Variants in RAB38 observed in about 807,000 individuals in gnomAD.
RAB38 encodes RAB38, member RAS oncogene family.
Under a neutral mutation model 18.4 loss-of-function variants are expected in RAB38, and 15 were observed. The observed-to-expected ratio is 0.82, with a 90% CI of 0.55 to 1.26. RAB38 has a LOEUF of 1.26. RAB38 is among the 50% of genes most tolerant of loss of function. RAB38 has a pLI of 0.00. For synonymous variants in RAB38, 101 were observed against 104.4 expected, an observed-to-expected ratio of 0.97 and a Z score of 0.20; for missense variants, 294 against 267.4, an observed-to-expected ratio of 1.10 and a Z score of -0.69.
intron 2 of RAB38, chr11:88,115,433 G>C (rs780301671): frequency 6.6e-6 from 1 of 152,190 alleles, no homozygotes; most frequent in African/African-American, 2.4e-5. Context: ...CTTCCAAATG[G>C]CATCCATGAC....
the RAB38 span, among the ~76,000 whole-genome samples, chr11:88,100,925 A>G: frequency 1.3e-5 from 2 of 151,962 alleles, no homozygotes; most frequent in Non-Finnish European, 2.9e-5. Flanking sequence ...CTTCTCCCCA[A>G]CTGCTAGGGA....
intron 1 of RAB38, among the ~76,000 whole-genome samples, chr11:88,160,624 T>A (rs1346132101): frequency 6.6e-6 from 1 of 152,142 alleles, no homozygotes; most frequent in African/African-American, 2.4e-5. Context: ...ACATAGTACA[T>A]ATTCATCATG....
At chr11:88,172,345 A>T (rs1273378959) in intron 1 of RAB38, among the ~76,000 whole-genome samples, 1 of 152,202 alleles carries the variant, frequency 6.6e-6, no homozygotes, top group Non-Finnish European at 1.5e-5. Context: ...TACTTTTTGG[A>T]GTCTTTCAAG....
At chr11:87,942,142 G>A in the RAB38 span, among the ~76,000 whole-genome samples, 1 of 152,208 alleles carries the variant, frequency 6.6e-6, no homozygotes, top group Admixed American at 6.5e-5. Flanking sequence ...ACCATGAGCT[G>A]TGCCTGATGC....
the RAB38 span, among the ~76,000 whole-genome samples, chr11:88,076,152 C>CA: frequency 1.3e-5 from 2 of 151,448 alleles, no homozygotes; most frequent in Non-Finnish European, 2.9e-5. Flanking sequence ...AATCTGACCA[C>CA]AAAAATAGAA....
At chr11:88,133,064 C>G (rs1447177500) in intron 2 of RAB38, among the ~76,000 whole-genome samples, 1 of 151,964 alleles carries the variant, frequency 6.6e-6, no homozygotes, top group Non-Finnish European at 1.5e-5. Flanking sequence ...AGGTTAGAGT[C>G]CCATTATCCC....
At chr11:88,066,958 T>G in the RAB38 span, among the ~76,000 whole-genome samples, 1 of 152,216 alleles carries the variant, frequency 6.6e-6, no homozygotes, top group South Asian at 2.1e-4. Context: ...AGTGATGTCT[T>G]TCATTATAAA....
the RAB38 span, among the ~76,000 whole-genome samples, chr11:87,972,783 A>T: frequency 1.3e-5 from 2 of 152,094 alleles, no homozygotes; most frequent in Non-Finnish European, 2.9e-5. Flanking sequence ...TCAAAAGGAA[A>T]TACCAACGTA....
At position 88,127,507 on chromosome 11, in the gene RAB38, G is replaced by A. The variant is rs140199731; in HGVS notation, c.484-13367C>T. Among the ~76,000 whole-genome samples the A allele has an allele frequency of 8.2e-4, 125 of 152,232 alleles. 1 individual carries two copies. The East Asian group carries it at 0.022, about 27-fold the overall frequency. Reference sequence around the variant, plus strand: ...AAATAGTGGTGGTATAAGTGGGAGTGGTTAAGAGTAGAGGGGTTTGTGGAA... The same window carrying A: ...AAATAGTGGTGGTATAAGTGGGAGTAGTTAAGAGTAGAGGGGTTTGTGGAA... On this transcript the variant is annotated intron_variant, in intron 2 of 2. Transcript: ENST00000243662.
At chr11:88,055,644 A>G in the RAB38 span, among the ~76,000 whole-genome samples, 1 of 152,226 alleles carries the variant, frequency 6.6e-6, no homozygotes, top group East Asian at 1.9e-4. Context: ...GCTTGAATAC[A>G]TGGACTATTT....
the RAB38 span, among the ~76,000 whole-genome samples, chr11:88,026,197 A>C: frequency 2.6e-5 from 4 of 152,016 alleles, no homozygotes; most frequent in African/African-American, 9.7e-5. Flanking sequence ...ACTCCTGACA[A>C]AATTAAAGAT....
chr11:88,042,420 T>C, the RAB38 span, among the ~76,000 whole-genome samples: 1 of 152,208 alleles, frequency 6.6e-6, no homozygotes, highest in East Asian at 1.9e-4. Flanking sequence ...TCTTTTCCTG[T>C]ACTCATTATT....
chr11:88,045,670 G>T, the RAB38 span, among the ~76,000 whole-genome samples: 142 of 152,312 alleles, frequency 9.3e-4, 1 homozygote, highest in African/African-American at 3.3e-3. Flanking sequence ...GATCGACGCT[G>T]CCTGATTGCC....
At chr11:87,977,715 T>C in the RAB38 span, among the ~76,000 whole-genome samples, 1 of 96,452 alleles carries the variant, frequency 1.0e-5, no homozygotes, top group Non-Finnish European at 1.8e-5. Context: ...ATTATATATT[T>C]ATATATTATA....
the RAB38 span, among the ~76,000 whole-genome samples, chr11:87,813,494 A>G: frequency 1.9e-5 from 2 of 105,994 alleles, no homozygotes; most frequent in African/African-American, 7.9e-5. Context: ...TATACATCAT[A>G]CACATCACAC....
chr11:87,972,208 C>T, the RAB38 span, among the ~76,000 whole-genome samples: 3 of 152,030 alleles, frequency 2.0e-5, no homozygotes, highest in Admixed American at 6.6e-5. Context: ...CACTTCAGGA[C>T]GCCTTCCTTA....
the RAB38 span, among the ~76,000 whole-genome samples, chr11:88,032,435 G>C: frequency 6.6e-6 from 1 of 152,134 alleles, no homozygotes; most frequent in African/African-American, 2.4e-5. Flanking sequence ...CCATCAGAGT[G>C]AACAGGCAAC....
At chr11:88,078,208 G>A in the RAB38 span, among the ~76,000 whole-genome samples, 3 of 151,990 alleles carry the variant, frequency 2.0e-5, no homozygotes, top group African/African-American at 4.8e-5. Flanking sequence ...CTCATACATC[G>A]TTGGTGGGGA....
chr11:87,935,650 A>G, the RAB38 span, among the ~76,000 whole-genome samples: 1 of 152,126 alleles, frequency 6.6e-6, no homozygotes, highest in Non-Finnish European at 1.5e-5. Context: ...TTGAAAACTT[A>G]TAGTACAATA....
Sources: gnomAD v4.1 joint callset for allele counts (sites outside exome capture counted in the v4.1 genomes callset) on GRCh38, gnomAD v4.1.1 for gene constraint, MANE v1.5 for transcripts, NCBI Gene and HGNC (gene_info 2026-07-23, HGNC 2026-07-21) for gene names.